Variants in TUBB1 observed in about 807,000 individuals in gnomAD.
TUBB1 encodes tubulin beta 1 class VI, also known as tubulin beta-1 chain.
In TUBB1, 28 loss-of-function variants were observed where a neutral mutation model predicts 22.6. The observed-to-expected ratio is 1.24, with a 90% CI of 0.92 to 1.70. TUBB1 has a LOEUF of 1.70. Ranked by LOEUF, TUBB1 falls within the 40% of genes most tolerant of loss-of-function variation. The pLI, the probability that TUBB1 is intolerant of heterozygous loss-of-function variation, is 0.00. For synonymous variants in TUBB1, 226 were observed against 238.0 expected (o/e 0.95, Z 0.46); for missense variants, 577 against 605.5 (o/e 0.95, Z 0.49).
rs761975737 is a variant in TUBB1 at position 59,023,539 on chromosome 20, G to A, written c.216G>A (p.Thr72=). 20 of 1,614,012 alleles carry A rather than the reference G, an allele frequency of 1.2e-5. No homozygotes were observed. Among genetic ancestry groups the A allele is most frequent in the East Asian group, 6.7e-5 (3 of 44,898 alleles). The change falls in exon 3 of 4, where the codon ACG becomes ACA. Residue 72 remains threonine (T), a synonymous_variant. Coordinates refer to ENST00000217133, the MANE Select transcript of TUBB1 (RefSeq NM_030773.4). ...TCTTGGTGGACCTAGAACCTGGGACGATGGACAGCATTCGATCTAGCAAAT... is the reference window on the plus strand; with the variant it reads ...TCTTGGTGGACCTAGAACCTGGGACAATGGACAGCATTCGATCTAGCAAAT... ...RAVLVDLEPG[T]MDSIRSSKLG... is the part of the protein sequence containing the mutation.
At position 59,024,920 on chromosome 20, in the gene TUBB1, G is replaced by C; in HGVS notation, c.*137G>C. The C allele has an allele frequency of 1.3e-6, 1 of 794,716 alleles. No individual in the cohort carries two copies. 49.2% of individuals were successfully genotyped at this position (794,716 alleles called of 1,614,324 possible). A position where few individuals can be genotyped will look rare whatever the true frequency, so the allele number is the denominator to read the frequency against. On this transcript the variant is annotated 3_prime_UTR_variant, in exon 4 of 4. Transcript: ENST00000217133. This position sits in a 1 kb window ranked among gnomAD's most constrained non-coding sequence, Gnocchi z 4.9. ...TGCACTCACCATTAGCTTCGACACA[G>C]GGACTGAGGGAGACAGGTGGGGAGC...
chr20:59,017,564 G>T (rs1287400927), upstream of TUBB1, among the ~76,000 whole-genome samples: 2 of 152,186 alleles, frequency 1.3e-5, no homozygotes, highest in Non-Finnish European at 2.9e-5. Context: ...CACATCCTGG[G>T]CCCCACCAGG....
Position 59,023,963 on chromosome 20 carries a change from T to C in TUBB1, c.536T>C (p.Val179Ala). The C allele has an allele frequency of 6.2e-7, 1 of 1,614,146 alleles. No homozygotes were observed. The highest frequency in any genetic ancestry group is 1.1e-5 in the South Asian group (1 of 91,086). The change falls in exon 4 of 4, where the codon GTG (valine) becomes GCG (alanine). Residue 179 changes from valine (V) to alanine (A), a missense_variant. Transcript: ENST00000217133. Reference sequence around the variant, plus strand: ...CCTTCTCCCAAGGTGTCGGACACTGTGGTGGAGCCCTACAACGCGGTTCTG... The same window carrying C: ...CCTTCTCCCAAGGTGTCGGACACTGCGGTGGAGCCCTACAACGCGGTTCTG... The part of the protein sequence containing the change: ...VMPSPKVSDT[V>A]VEPYNAVLSI...
At chr20:59,017,173 C>T (rs2091948515), upstream of TUBB1, among the ~76,000 whole-genome samples, 1 of 152,210 alleles carries the variant, frequency 6.6e-6, no homozygotes, top group South Asian at 2.1e-4. Context: ...ACCACCCTGC[C>T]ATGATCAAAG....
At chr20:59,017,044 C>T (rs1333614866), upstream of TUBB1, among the ~76,000 whole-genome samples, 4 of 152,206 alleles carry the variant, frequency 2.6e-5, no homozygotes, top group Non-Finnish European at 4.4e-5. Context: ...GCCCTCTCTC[C>T]GTTTATCACG....
rs555403335 is a variant in TUBB1, at chr20:59,024,032, T to C, written c.605T>C (p.Ile202Thr). The change falls in exon 4 of 4, where the codon ATT (isoleucine) becomes ACT (threonine). Residue 202 changes from isoleucine to threonine, a missense_variant. By Grantham distance (89) the Ile-to-Thr change is moderately conservative. Transcript: ENST00000217133. The surrounding 1 kb of genome is among the most constrained non-coding windows in gnomAD (Gnocchi z 4.9). ...GAGAATGCAGATGCCTGTTTCTGCA[T>C]TGACAATGAGGCCCTCTATGACATC... Reference protein sequence around the residue: ...LIENADACFCIDNEALYDICF... With the variant: ...LIENADACFCTDNEALYDICF... 8.7e-6 allele frequency: 14 copies of C among 1,614,206 alleles called. No homozygotes were observed. The highest frequency in any genetic ancestry group is 4.5e-5 in the East Asian group (2 of 44,886).
chr20:59,019,518 C>A lies in TUBB1; in HGVS notation c.-5C>A, dbSNP rs920054373. 5.0e-6 allele frequency: 8 copies of A among 1,613,796 alleles called. No homozygotes were observed. Among genetic ancestry groups the A allele is most frequent in the Admixed American group, 3.3e-5 (2 of 59,992 alleles). On this transcript the variant is annotated 5_prime_UTR_variant, in exon 1 of 4. Coordinates refer to ENST00000217133, the MANE Select transcript of TUBB1 (RefSeq NM_030773.4). ...GAAGATCTCAGACTTGGGCTCAGAGCAAGGATGCGTGAAATTGTCCATATT... is the reference window on the plus strand; with the variant it reads ...GAAGATCTCAGACTTGGGCTCAGAGAAAGGATGCGTGAAATTGTCCATATT...
chr20:59,018,087 ACAAGG>A (rs1340984521), upstream of TUBB1, among the ~76,000 whole-genome samples: 1 of 152,224 alleles, frequency 6.6e-6, no homozygotes, highest in Non-Finnish European at 1.5e-5. Context: ...CTCAACAGGC[ACAAGG>A]CAGCGTCCAC....
At position 59,022,915 on chromosome 20, in the gene TUBB1, A is replaced by C. The variant is rs463312; in HGVS notation, c.128A>C (p.Gln43Pro). ...AGSDRGASALQLERISVYYNE... is the reference protein window; with the variant it reads ...AGSDRGASALPLERISVYYNE... Reference sequence around the variant, plus strand: ...AGCGACCGCGGGGCCTCGGCCTTGCAGCTGGAGAGAATCAGCGTGTACTAC... The same window carrying C: ...AGCGACCGCGGGGCCTCGGCCTTGCCGCTGGAGAGAATCAGCGTGTACTAC... Residue 43 changes from glutamine (Q) to proline (P), a missense_variant, in exon 2 of 4, where the codon CAG becomes CCG. Physicochemically the swap from Gln to Pro is moderately conservative, Grantham distance 76. Transcript: ENST00000217133. 0.058 allele frequency: 94,284 copies of C among 1,613,900 alleles called. 3,429 individuals carry two copies. The highest frequency in any genetic ancestry group is 0.14 in the South Asian group (12,403 of 91,068).
Position 59,024,444 on chromosome 20 carries a change from C to T in TUBB1, c.1017C>T (p.Ser339=). 1.9e-6 allele frequency: 3 copies of T among 1,614,186 alleles called. No individual in the cohort carries two copies. The highest frequency in any genetic ancestry group is 2.5e-6 in the Non-Finnish European group (3 of 1,180,026). ...QLLSVQTRNS[S]CFVEWIPNNV... is the part of the protein sequence containing the mutation. ...TCTCCGTGCAGACCAGGAACAGCAG[C>T]TGCTTTGTGGAGTGGATTCCCAACA... The change falls in exon 4 of 4, where the codon AGC becomes AGT. Residue 339 remains serine, a synonymous_variant. Transcript: ENST00000217133. This position sits in a 1 kb window ranked among gnomAD's most constrained non-coding sequence, Gnocchi z 4.9.
At chr20:59,017,933 A>G (rs1198055196), upstream of TUBB1, among the ~76,000 whole-genome samples, 2 of 152,198 alleles carry the variant, frequency 1.3e-5, no homozygotes, top group Non-Finnish European at 2.9e-5. Context: ...TAGCTGTTCA[A>G]AGAATGGGGG....
upstream of TUBB1, among the ~76,000 whole-genome samples, chr20:59,018,116 C>T (rs1443362700): frequency 6.6e-6 from 1 of 152,240 alleles, no homozygotes; most frequent in African/African-American, 2.4e-5. Context: ...CTCTCCCCTT[C>T]CGAGCCAGGG....
intron 1 of TUBB1, among the ~76,000 whole-genome samples, chr20:59,021,600 A>ATAAG (rs553503392): frequency 9.2e-5 from 14 of 152,230 alleles, no homozygotes; most frequent in Non-Finnish European, 5.9e-5. Context: ...ATCTATATTA[A>ATAAG]TAAGTACTGT....
rs756027671 is a variant in TUBB1 at position 59,023,960 on chromosome 20, C to T, written c.533C>T (p.Thr178Ile). The T allele has an allele frequency of 1.7e-5, 28 of 1,614,082 alleles. No homozygotes were observed. The highest frequency in any genetic ancestry group is 1.6e-4 in the Middle Eastern group (1 of 6,084). ...SVMPSPKVSD[T>I]VVEPYNAVLS... ...ATGCCTTCTCCCAAGGTGTCGGACA[C>T]TGTGGTGGAGCCCTACAACGCGGTT... The change falls in exon 4 of 4, where the codon ACT becomes ATT. Residue 178 changes from threonine to isoleucine, a missense_variant. Physicochemically the swap from Thr to Ile is moderately conservative, Grantham distance 89. Coordinates refer to ENST00000217133, the MANE Select transcript of TUBB1 (RefSeq NM_030773.4).
rs577942311 is a variant in TUBB1 at position 59,024,542 on chromosome 20, C to A, written c.1115C>A (p.Thr372Lys). 1.2e-6 allele frequency: 2 copies of A among 1,614,216 alleles called. No individual in the cohort carries two copies. The highest frequency in any genetic ancestry group is 3.3e-5 in the Admixed American group (2 of 60,022). ...SMAATFIGNN[T>K]AIQEIFNRVS... ...GCCGCCACCTTCATTGGCAACAACA[C>A]GGCCATCCAAGAGATCTTTAATAGG... is the stretch of plus-strand genomic sequence containing the variant. The change falls in exon 4 of 4, where the codon ACG becomes AAG. Residue 372 changes from threonine (T) to lysine (K), a missense_variant. Physicochemically the swap from Thr to Lys is moderately conservative, Grantham distance 78. Transcript: ENST00000217133. This position sits in a 1 kb window ranked among gnomAD's most constrained non-coding sequence, Gnocchi z 4.9.
rs959131464 is a variant in TUBB1 at position 59,026,292 on chromosome 20, A to G, written c.*1509A>G. The G allele has an allele frequency of 1.3e-5, 2 of 152,232 alleles. No individual in the cohort carries two copies. The highest frequency in any genetic ancestry group is 4.8e-5 in the African/African-American group (2 of 41,454). 9.4% of individuals were successfully genotyped at this position (152,232 alleles called of 1,614,324 possible). On this transcript the variant is annotated 3_prime_UTR_variant, in exon 4 of 4. Coordinates refer to ENST00000217133, the MANE Select transcript of TUBB1 (RefSeq NM_030773.4). ...CTATTTACAAACTTCAAAAAACACA[A>G]AACAACATTCATGTTTTAAATGCTT... is the stretch of plus-strand genomic sequence containing the variant.
rs1303728903 is a variant in TUBB1, at chr20:59,024,082, A to T, written c.655A>T (p.Thr219Ser). Residue 219 changes from threonine to serine, a missense_variant, in exon 4 of 4, where the codon ACA becomes TCA. Transcript: ENST00000217133. This position sits in a 1 kb window ranked among gnomAD's most constrained non-coding sequence, Gnocchi z 4.9. ...DICFRTLKLT[T>S]PTYGDLNHLV... Reference sequence around the variant, plus strand: ...CTGCTTCCGTACCCTGAAGCTGACGACACCCACCTATGGGGATCTCAACCA... The same window carrying T: ...CTGCTTCCGTACCCTGAAGCTGACGTCACCCACCTATGGGGATCTCAACCA... 1 of 1,614,172 alleles carries T rather than the reference A, an allele frequency of 6.2e-7. No homozygotes were observed. The highest frequency in any genetic ancestry group is 1.7e-5 in the Admixed American group (1 of 60,026).
Position 59,022,954 on chromosome 20 carries a change from G to A in TUBB1, c.166+1G>A. On this transcript the variant is annotated splice_donor_variant, in intron 2 of 3. Transcript: ENST00000217133. LOFTEE classifies it high-confidence loss of function. ...AGCGTGTACTACAACGAAGCCTACG[G>A]TAGGACTGGCGGGGCTCTGGGAGCA... is the stretch of plus-strand genomic sequence containing the variant. 6.2e-7 allele frequency: 1 copy of A among 1,613,464 alleles called. No individual in the cohort carries two copies. The highest frequency in any genetic ancestry group is 8.5e-7 in the Non-Finnish European group (1 of 1,179,672).
chr20:59,019,429 A>G lies in TUBB1; in HGVS notation c.-94A>G. 3 of 1,469,952 alleles carry G rather than the reference A, an allele frequency of 2.0e-6. No individual in the cohort carries two copies. The highest frequency in any genetic ancestry group is 2.9e-6 in the Non-Finnish European group (3 of 1,050,264). 91.1% of individuals were successfully genotyped at this position (1,469,952 alleles called of 1,614,324 possible). The stretch of plus-strand genomic sequence containing the variant: ...GGCCAGTCCCACCACTGCAGTGACC[A>G]CAGTTGTGTTGGGCTCACACCAGTG... On this transcript the variant is annotated 5_prime_UTR_variant, in exon 1 of 4. Transcript: ENST00000217133.
Sources: allele counts gnomAD v4.1 joint callset (sites outside exome capture counted in the v4.1 genomes callset), GRCh38; gene constraint gnomAD v4.1.1; non-coding constraint Gnocchi (gnomAD v3.1); transcripts MANE v1.5; gene names NCBI Gene and HGNC (gene_info 2026-07-23, HGNC 2026-07-21).